The following NLGN4Y variants were observed in gnomAD, a reference collection of about 807,000 sequenced individuals.
NLGN4Y encodes neuroligin 4 Y-linked, also known as neuroligin-4, Y-linked.
In NLGN4Y, 4 loss-of-function variants were observed where a neutral mutation model predicts 8.4. That is an observed-to-expected ratio of 0.48 (90% CI 0.23 to 1.09). The LOEUF is 1.09. NLGN4Y is among the 50% of genes least tolerant of loss of function. The probability of loss-of-function intolerance (pLI) is 0.19; values close to 1 mark genes in which losing one functional copy is unlikely to be tolerated. For synonymous variants in NLGN4Y, 35 were observed against 75.6 expected (o/e 0.46, Z 2.78); for missense variants, 90 against 192.3 (o/e 0.47, Z 3.15).
At chrY:14,640,161 G>A (rs2080585316) in intron 2 of NLGN4Y, 6 of 116,731 alleles carry the variant, frequency 5.1e-5, no homozygotes, top group South Asian at 1.2e-4. Flanking sequence ...GTTTGAAACC[G>A]CAAGCTGCAC....
chrY:14,603,176 T>A, intron 1 of NLGN4Y, among the ~76,000 whole-genome samples: 1 of 32,757 alleles, frequency 3.1e-5, no homozygotes, highest in Non-Finnish European at 7.5e-5. Flanking sequence ...TGTGTGTGTC[T>A]ACTTTCACCA....
intron 2 of NLGN4Y, among the ~76,000 whole-genome samples, chrY:14,634,338 C>T (rs1603501762): frequency 3.0e-5 from 1 of 33,693 alleles, no homozygotes; most frequent in East Asian, 7.9e-4. Context: ...TCCTGTAATC[C>T]CAGTACTTTG....
intron 2 of NLGN4Y, among the ~76,000 whole-genome samples, chrY:14,673,422 G>GA (rs2080732086): frequency 8.9e-5 from 3 of 33,838 alleles, no homozygotes; most frequent in African/African-American, 3.5e-4. Context: ...AAAAACACAT[G>GA]AAAAAATGCT....
chrY:14,579,557 G>GA (rs2080309035), intron 1 of NLGN4Y, among the ~76,000 whole-genome samples: 1 of 32,275 alleles, frequency 3.1e-5, no homozygotes. Context: ...AAAAAAAAAT[G>GA]AAAAAATTAG....
intron 2 of NLGN4Y, among the ~76,000 whole-genome samples, chrY:14,696,264 G>T (rs2080827483): frequency 3.1e-5 from 1 of 32,718 alleles, no homozygotes; most frequent in Non-Finnish European, 7.5e-5. Context: ...TGGCTTATCG[G>T]GTCCTTCCAA....
At chrY:14,818,609 T>C in intron 4 of NLGN4Y, among the ~76,000 whole-genome samples, 3 of 33,230 alleles carry the variant, frequency 9.0e-5, no homozygotes, top group Non-Finnish European at 2.2e-4. Flanking sequence ...CTGAGAACCT[T>C]TGTCCTCTGG....
chrY:14,665,456 G>A, intron 2 of NLGN4Y, among the ~76,000 whole-genome samples: 4 of 33,190 alleles, frequency 1.2e-4, no homozygotes, highest in Admixed American at 2.8e-4. Flanking sequence ...CTCTTCTAAC[G>A]GTTGGAGAAA....
chrY:14,829,722 A>C lies in NLGN4Y; in HGVS notation c.872-8A>C. ...TTCATTTGCATGTCCGCAATTTTGC[A>C]CCTGCAGGTCTCTTCCAGAAGGCCA... is the stretch of plus-strand genomic sequence containing the variant. On this transcript the variant is annotated splice_region_variant and splice_polypyrimidine_tract_variant and intron_variant, in intron 5 of 6. Transcript: ENST00000684976. 5.0e-6 allele frequency: 2 copies of C among 398,773 alleles called. No individual in the cohort carries two copies. Among genetic ancestry groups the C allele is most frequent in the Non-Finnish European group, 7.1e-6 (2 of 283,554 alleles).
intron 2 of NLGN4Y, among the ~76,000 whole-genome samples, chrY:14,654,046 T>C (rs2080640229): frequency 2.9e-5 from 1 of 34,135 alleles, no homozygotes; most frequent in Non-Finnish European, 7.3e-5. Flanking sequence ...TTTATTCTCT[T>C]GTAACATTTC....
At chrY:14,724,392 T>C in intron 4 of NLGN4Y, among the ~76,000 whole-genome samples, 1 of 32,839 alleles carries the variant, frequency 3.0e-5, no homozygotes, top group Non-Finnish European at 7.5e-5. Context: ...TATTAGTTTT[T>C]TTTTTTCATA....
At chrY:14,722,590 G>A (rs2080938687) in intron 3 of NLGN4Y, among the ~76,000 whole-genome samples, 1 of 30,498 alleles carries the variant, frequency 3.3e-5, no homozygotes, top group Admixed American at 3.1e-4. Context: ...ATTTCCGGCC[G>A]GGCGCGGTGG....
intron 2 of NLGN4Y, among the ~76,000 whole-genome samples, chrY:14,713,344 T>G: frequency 2.9e-5 from 1 of 34,102 alleles, no homozygotes; most frequent in African/African-American, 1.1e-4. Context: ...TAATATATAT[T>G]ATAAACAGAT....
chrY:14,773,404 C>G, intron 4 of NLGN4Y, among the ~76,000 whole-genome samples: 1 of 32,835 alleles, frequency 3.0e-5, no homozygotes, highest in South Asian at 6.9e-4. Context: ...CAAACCACTG[C>G]TCAAGGGAAC....
intron 4 of NLGN4Y, among the ~76,000 whole-genome samples, chrY:14,754,713 C>T (rs2081051790): frequency 3.0e-5 from 1 of 33,574 alleles, no homozygotes; most frequent in South Asian, 6.5e-4. Flanking sequence ...TGCTCAAGTA[C>T]TGAATTAGCT....
At chrY:14,750,922 C>G (rs2081039266) in intron 4 of NLGN4Y, among the ~76,000 whole-genome samples, 1 of 33,389 alleles carries the variant, frequency 3.0e-5, no homozygotes, top group Non-Finnish European at 7.4e-5. Flanking sequence ...GCATTTTTCT[C>G]TTATGCTTTT....
intron 2 of NLGN4Y, among the ~76,000 whole-genome samples, chrY:14,641,900 G>A: frequency 3.0e-5 from 1 of 33,666 alleles, no homozygotes; most frequent in African/African-American, 1.2e-4. Flanking sequence ...TTGAGTGTAG[G>A]GAGGAAATAG....
intron 1 of NLGN4Y, among the ~76,000 whole-genome samples, chrY:14,554,927 G>A (rs2080206487): frequency 3.0e-5 from 1 of 33,260 alleles, no homozygotes; most frequent in Non-Finnish European, 7.4e-5. Context: ...AGTTTAGGGT[G>A]TGAAAAGTCA....
intron 1 of NLGN4Y, among the ~76,000 whole-genome samples, chrY:14,621,617 C>G (rs2080508408): frequency 3.1e-5 from 1 of 32,779 alleles, no homozygotes; most frequent in Non-Finnish European, 7.4e-5. Context: ...TTTAGGCCAG[C>G]CTGGATAACA....
chrY:14,568,772 T>A (rs9786163), intron 1 of NLGN4Y, among the ~76,000 whole-genome samples: 5,108 of 32,389 alleles, frequency 0.16, no homozygotes, highest in African/African-American at 0.59. Context: ...ATATATATAT[T>A]TTTTTTAAAT....
Sources: gnomAD v4.1 joint callset for allele counts (sites outside exome capture counted in the v4.1 genomes callset) on GRCh38, gnomAD v4.1.1 for gene constraint, MANE v1.5 for transcripts, NCBI Gene and HGNC (gene_info 2026-07-23, HGNC 2026-07-21) for gene names.